NRG1: variants seen among roughly 807,000 people sequenced by gnomAD.
The protein encoded by NRG1 is neuregulin 1, also known as pro-neuregulin-1, membrane-bound isoform.
A neutral mutation model predicts 63.8 loss-of-function variants in NRG1; 18 were observed. The ratio of observed to expected loss-of-function variants is 0.28; its 90% CI spans 0.19 to 0.42. NRG1 has a LOEUF of 0.42. Ranked by LOEUF, NRG1 falls within the 10% of genes least tolerant of loss-of-function variation. The pLI, the probability that NRG1 is intolerant of heterozygous loss-of-function variation, is 1.00. For missense variants in NRG1, 762 were observed against 814.7 expected (o/e 0.94, Z 0.79); for synonymous variants, 302 against 301.3 (o/e 1.00, Z -0.02).
intron 1 of NRG1, among the ~76,000 whole-genome samples, chr8:32,218,853 A>G (rs1195471235): frequency 6.6e-6 from 1 of 152,174 alleles, no homozygotes; most frequent in East Asian, 1.9e-4. Flanking sequence ...CATTTATCTC[A>G]GGGAGCAAAG....
At chr8:32,311,977 C>A (rs1200938196) in intron 1 of NRG1, among the ~76,000 whole-genome samples, 3 of 152,008 alleles carry the variant, frequency 2.0e-5, no homozygotes, top group Non-Finnish European at 4.4e-5. Context: ...ATGGATAATC[C>A]ATGCAGTGTT....
At chr8:31,710,103 TG>T (rs1811591169) in intron 1 of NRG1, among the ~76,000 whole-genome samples, 1 of 151,818 alleles carries the variant, frequency 6.6e-6, no homozygotes, top group South Asian at 2.1e-4. Flanking sequence ...TCAGGTATGA[TG>T]TTTCCATTAA....
intron 1 of NRG1, among the ~76,000 whole-genome samples, chr8:32,056,504 G>A (rs1822969985): frequency 6.6e-6 from 1 of 151,974 alleles, no homozygotes; most frequent in Non-Finnish European, 1.5e-5. Flanking sequence ...GATTCATCGA[G>A]CCTCAATCAT....
intron 1 of NRG1, among the ~76,000 whole-genome samples, chr8:31,992,264 G>C (rs1811224525): frequency 1.3e-5 from 2 of 152,084 alleles, no homozygotes; most frequent in South Asian, 4.1e-4. Flanking sequence ...AGATTGTATT[G>C]GATTTCTGAA....
intron 1 of NRG1, among the ~76,000 whole-genome samples, chr8:32,460,580 T>C (rs1163711237): frequency 6.6e-6 from 1 of 152,228 alleles, no homozygotes; most frequent in Non-Finnish European, 1.5e-5. Context: ...ACCTGATTCA[T>C]CAGTTTCTAT....
intron 1 of NRG1, chr8:32,061,914 C>G (rs1377967727): frequency 2.0e-5 from 3 of 151,914 alleles, no homozygotes; most frequent in Non-Finnish European, 4.4e-5. Context: ...TAAAACCTAA[C>G]CAAAACACAA....
intron 1 of NRG1, among the ~76,000 whole-genome samples, chr8:32,259,066 C>T (rs1002139620): frequency 1.3e-5 from 2 of 152,078 alleles, no homozygotes; most frequent in African/African-American, 4.8e-5. Flanking sequence ...CTTGGTAAAT[C>T]CAAATGATTT....
chr8:32,630,125 T>C (rs1850012469), intron 5 of NRG1, among the ~76,000 whole-genome samples: 1 of 152,146 alleles, frequency 6.6e-6, no homozygotes, highest in Non-Finnish European at 1.5e-5. Context: ...ATGGTAGAGG[T>C]TGAAGGCTCA....
At chr8:32,326,891 A>G (rs950199120) in intron 1 of NRG1, among the ~76,000 whole-genome samples, 3 of 152,244 alleles carry the variant, frequency 2.0e-5, no homozygotes, top group Non-Finnish European at 4.4e-5. Flanking sequence ...CTCAAGCAAT[A>G]TCTTTGATCA....
At chr8:31,937,611 T>C (rs1054463802) in intron 1 of NRG1, among the ~76,000 whole-genome samples, 1 of 152,160 alleles carries the variant, frequency 6.6e-6, no homozygotes, top group Non-Finnish European at 1.5e-5. Flanking sequence ...GCTCATGGTA[T>C]GGGGCAATTT....
intron 7 of NRG1, among the ~76,000 whole-genome samples, chr8:32,748,394 GAGAT>G (rs1827984856): frequency 6.7e-6 from 1 of 149,318 alleles, no homozygotes; most frequent in South Asian, 2.1e-4. Context: ...GAGAGAGAGA[GAGAT>G]AAAGGAAGTC....
At chr8:31,851,102 G>A (rs1827169760) in intron 1 of NRG1, among the ~76,000 whole-genome samples, 1 of 152,196 alleles carries the variant, frequency 6.6e-6, no homozygotes, top group South Asian at 2.1e-4. Context: ...TAGGACATCT[G>A]TGGAGATTAA....
At chr8:32,289,213 G>A (rs889913624) in intron 1 of NRG1, among the ~76,000 whole-genome samples, 3 of 152,112 alleles carry the variant, frequency 2.0e-5, no homozygotes, top group Non-Finnish European at 2.9e-5. Flanking sequence ...ACCTTTGTAA[G>A]CTCTTTAATC....
intron 6 of NRG1, among the ~76,000 whole-genome samples, chr8:32,734,244 C>T (rs1237432549): frequency 6.6e-6 from 1 of 152,152 alleles, no homozygotes; most frequent in East Asian, 1.9e-4. Flanking sequence ...CATAATGATG[C>T]TGATGATAGT....
intron 1 of NRG1, among the ~76,000 whole-genome samples, chr8:32,088,193 G>A (rs1034261353): frequency 3.5e-4 from 53 of 152,082 alleles, no homozygotes; most frequent in Non-Finnish European, 7.5e-4. Context: ...TGTGTGTATC[G>A]TCTCTCTACA....
Position 32,176,003 on chromosome 8 carries a change from A to G in NRG1, c.38-419825A>G, listed in dbSNP as rs1377019711. On this transcript the variant is annotated intron_variant, in intron 1 of 10. Coordinates refer to the NRG1 transcript ENST00000519301. ...ACTACTTTAAAGTTCATATGGAACCAAAAAAGAGCCTGCATTGCCAAGTCA... is the reference window on the plus strand; with the variant it reads ...ACTACTTTAAAGTTCATATGGAACCGAAAAAGAGCCTGCATTGCCAAGTCA... 7.9e-5 allele frequency among the ~76,000 whole-genome samples: 12 copies of G among 152,078 alleles called. No individual in the cohort carries two copies. In the East Asian group the frequency reaches 2.3e-3, roughly 29 times the overall value.
At chr8:32,189,735 A>T (rs1414796075) in intron 1 of NRG1, among the ~76,000 whole-genome samples, 1 of 152,206 alleles carries the variant, frequency 6.6e-6, no homozygotes, top group African/African-American at 2.4e-5. Context: ...GCTTACTGCT[A>T]ACTGGCCCCC....
intron 1 of NRG1, among the ~76,000 whole-genome samples, chr8:32,106,847 C>A (rs957396112): frequency 2.0e-5 from 3 of 152,038 alleles, no homozygotes; most frequent in African/African-American, 7.2e-5. Flanking sequence ...TTCCTTTATT[C>A]ATCTCTGTAA....
intron 1 of NRG1, among the ~76,000 whole-genome samples, chr8:32,498,728 C>A (rs1827513028): frequency 6.6e-6 from 1 of 152,146 alleles, no homozygotes; most frequent in Non-Finnish European, 1.5e-5. Flanking sequence ...TTTGTTTATG[C>A]AAACTCATCT....
Sources: gnomAD v4.1 joint callset for allele counts (sites outside exome capture counted in the v4.1 genomes callset) on GRCh38, gnomAD v4.1.1 for gene constraint, MANE v1.5 for transcripts, NCBI Gene and HGNC (gene_info 2026-07-23, HGNC 2026-07-21) for gene names.